The following TPST2 variants were observed in gnomAD, a reference collection of about 807,000 sequenced individuals.
TPST2 encodes the protein tyrosylprotein sulfotransferase 2, also known as protein-tyrosine sulfotransferase 2.
TPST2 carries 16 observed loss-of-function variants against 27.8 expected under a neutral mutation model. The observed-to-expected ratio is 0.58, with a 90% CI of 0.39 to 0.88. The LOEUF is 0.88. Among genes scored for constraint, TPST2 ranks in the 40% least tolerant of loss-of-function variants. The probability of loss-of-function intolerance (pLI) is 0.00; values close to 1 mark genes in which losing one functional copy is unlikely to be tolerated. For synonymous variants in TPST2, 229 were observed against 231.7 expected (o/e 0.99, Z 0.10); for missense variants, 464 against 543.1 (o/e 0.85, Z 1.45).
rs180686252 is a variant in TPST2, at chr22:26,538,253, T to C, written c.843-1767A>G. ...GGGAAGGTGAAAGGGTGTGGACTGG[T>C]GGGTAGAACACAGATTCAGAGGCTG... is the stretch of plus-strand genomic sequence containing the variant. On this transcript the variant is annotated intron_variant, in intron 3 of 6. Coordinates refer to ENST00000338754, the MANE Select transcript of TPST2 (RefSeq NM_003595.5). Among the ~76,000 whole-genome samples, 10 of 152,304 alleles carry C rather than the reference T, an allele frequency of 6.6e-5. 2 individuals carry two copies. The East Asian group carries it at 1.9e-3, about 29-fold the overall frequency.
chr22:26,556,473 G>T (rs1436169626), intron 1 of TPST2, among the ~76,000 whole-genome samples: 1 of 152,202 alleles, frequency 6.6e-6, no homozygotes, highest in Non-Finnish European at 1.5e-5. Flanking sequence ...CTGGGAGGCA[G>T]AGGTTGCAGT....
rs2147163283 is a variant in TPST2 at position 26,522,737 on chromosome 22, AG to A, written c.*3537del. ...CAAAAAAGATGGTTTGCTCTAGAACAGGCAGCTGGTAAAAGGAGTGGTGTTA... is the reference window on the plus strand; with the variant it reads ...CAAAAAAGATGGTTTGCTCTAGAACAGCAGCTGGTAAAAGGAGTGGTGTTA... On this transcript the variant is annotated 3_prime_UTR_variant, in exon 7 of 7. Transcript: ENST00000338754. 6.6e-6 allele frequency: 1 copy of A among 152,416 alleles called. No homozygotes were observed. Among genetic ancestry groups the A allele is most frequent in the South Asian group, 2.1e-4 (1 of 4,834 alleles). 9.4% of individuals were successfully genotyped at this position (152,416 alleles called of 1,614,324 possible). A position where few individuals can be genotyped will look rare whatever the true frequency, so the allele number is the denominator to read the frequency against.
chr22:26,536,449 T>A lies in TPST2; in HGVS notation c.880A>T (p.Asn294Tyr). 1 of 1,553,476 alleles carries A rather than the reference T, an allele frequency of 6.4e-7. No homozygotes were observed. ...RSTDQVIKPV[N>Y]LEALSKWTGH... ...GTCCACTTGGAGAGCGCTTCCAGGT[T>A]AACAGGCTTGATGACCTGGTCCGTG... The change falls in exon 4 of 7, where the codon AAC becomes TAC. Residue 294 changes from asparagine to tyrosine, a missense_variant. Physicochemically the swap from Asn to Tyr is moderately radical, Grantham distance 143. Transcript: ENST00000338754.
At chr22:26,587,010 C>T (rs1263627240) in intron 1 of TPST2, among the ~76,000 whole-genome samples, 1 of 152,124 alleles carries the variant, frequency 6.6e-6, no homozygotes, top group African/African-American at 2.4e-5. Context: ...GGGGGTGGCC[C>T]CTCTTGAAAT....
At chr22:26,529,072 C>G (rs1256309473) in intron 5 of TPST2, among the ~76,000 whole-genome samples, 1 of 151,824 alleles carries the variant, frequency 6.6e-6, no homozygotes, top group Non-Finnish European at 1.5e-5. Context: ...TAGATAGCTT[C>G]AGGATTAGGG....
At chr22:26,549,877 A>C (rs190245954) in intron 1 of TPST2, among the ~76,000 whole-genome samples, 1 of 148,490 alleles carries the variant, frequency 6.7e-6, no homozygotes, top group African/African-American at 2.5e-5. Context: ...TAAAAAAAAA[A>C]AAAAAAAAAA....
rs1473193374 is a variant in TPST2 at position 26,522,914 on chromosome 22, A to C, written c.*3361T>G. 6.6e-6 allele frequency: 1 copy of C among 152,322 alleles called. No homozygotes were observed. The highest frequency in any genetic ancestry group is 1.9e-4 in the East Asian group (1 of 5,210). 9.4% of individuals were successfully genotyped at this position (152,322 alleles called of 1,614,324 possible). A position where few individuals can be genotyped will look rare whatever the true frequency, so the allele number is the denominator to read the frequency against. On this transcript the variant is annotated 3_prime_UTR_variant, in exon 7 of 7. Transcript: ENST00000338754. ...CAACATAGTGATTCCCCTCTTTACA[A>C]AAAATAAAAAGTTAGGTAGGTGTCA...
intron 1 of TPST2, among the ~76,000 whole-genome samples, chr22:26,556,576 G>A (rs955619001): frequency 2.0e-5 from 3 of 152,158 alleles, no homozygotes; most frequent in East Asian, 1.9e-4. Context: ...TGATGCGAGT[G>A]CTGCCACTAC....
chr22:26,545,219 CTG>C, intron 1 of TPST2, among the ~76,000 whole-genome samples: 1 of 152,208 alleles, frequency 6.6e-6, no homozygotes, highest in East Asian at 1.9e-4. Flanking sequence ...ACGCAAATAC[CTG>C]TGTCATTTAA....
chr22:26,561,170 T>C (rs41281589), intron 1 of TPST2: 137,516 of 1,581,752 alleles, frequency 0.087, 6,547 homozygotes, highest in Middle Eastern at 0.13. Context: ...AAGTTGGTTC[T>C]AGCGCAGTTT....
intron 1 of TPST2, among the ~76,000 whole-genome samples, chr22:26,551,226 C>T (rs1926452975): frequency 6.6e-6 from 1 of 152,180 alleles, no homozygotes; most frequent in Non-Finnish European, 1.5e-5. Context: ...GCAGAGGTTG[C>T]AGTGAGCCAA....
At chr22:26,589,365 C>T (rs1928465402) in intron 1 of TPST2, among the ~76,000 whole-genome samples, 1 of 152,272 alleles carries the variant, frequency 6.6e-6, no homozygotes, top group Non-Finnish European at 1.5e-5. Context: ...CCTCTGAGCC[C>T]ATGCTCCCAG....
chr22:26,533,814 A>C (rs1925299668), intron 4 of TPST2, among the ~76,000 whole-genome samples: 1 of 152,024 alleles, frequency 6.6e-6, no homozygotes, highest in South Asian at 2.1e-4. Flanking sequence ...AGCTGGGACT[A>C]TAGGCACGTG....
At chr22:26,543,370 T>A (rs1201702602) in intron 2 of TPST2, 2 of 152,164 alleles carry the variant, frequency 1.3e-5, no homozygotes, top group African/African-American at 4.8e-5. Flanking sequence ...CAACGACCCT[T>A]TGTCTTCATC....
chr22:26,539,008 G>A (rs1194006138), intron 3 of TPST2, among the ~76,000 whole-genome samples: 1 of 152,232 alleles, frequency 6.6e-6, no homozygotes, highest in East Asian at 1.9e-4. Context: ...ATCATGGGTT[G>A]TTTCTCCGTT....
chr22:26,532,169 G>A (rs16982293), intron 5 of TPST2, among the ~76,000 whole-genome samples: 12,172 of 152,268 alleles, frequency 0.08, 672 homozygotes, highest in East Asian at 0.13. Context: ...CATTCAAGCC[G>A]GAAGACGAAG....
intron 4 of TPST2, among the ~76,000 whole-genome samples, chr22:26,533,661 C>G (rs534494605): frequency 1.3e-5 from 2 of 151,746 alleles, no homozygotes; most frequent in Admixed American, 1.3e-4. Context: ...TTTATTTAAC[C>G]TGATATAGCT....
intron 1 of TPST2, among the ~76,000 whole-genome samples, chr22:26,576,555 C>T (rs757093765): frequency 5.3e-5 from 8 of 151,738 alleles, no homozygotes; most frequent in South Asian, 2.1e-4. Context: ...GCTCGAGCAG[C>T]GGGTAGAAGT....
At chr22:26,575,717 C>T (rs1927807006) in intron 1 of TPST2, among the ~76,000 whole-genome samples, 3 of 152,274 alleles carry the variant, frequency 2.0e-5, no homozygotes, top group South Asian at 4.1e-4. Flanking sequence ...AGATGCAGGC[C>T]GGGCGCAGTG....
Sources: gnomAD v4.1 joint callset for allele counts (sites outside exome capture counted in the v4.1 genomes callset) on GRCh38, gnomAD v4.1.1 for gene constraint, MANE v1.5 for transcripts, NCBI Gene and HGNC (gene_info 2026-07-23, HGNC 2026-07-21) for gene names.